Variants in SUGCT observed in about 807,000 individuals in gnomAD.
SUGCT encodes succinyl-CoA:glutarate CoA-transferase.
SUGCT carries 41 observed loss-of-function variants against 55.0 expected under a neutral mutation model. The observed-to-expected ratio is 0.74, with a 90% CI of 0.58 to 0.97. The LOEUF (loss-of-function observed/expected upper bound fraction) is 0.97. Among genes scored for constraint, SUGCT ranks in the 50% least tolerant of loss-of-function variants. The pLI is 0.00. For synonymous variants in SUGCT, 187 were observed against 200.4 expected, an observed-to-expected ratio of 0.93 and a Z score of 0.56; for missense variants, 568 against 547.8, an observed-to-expected ratio of 1.04 and a Z score of -0.37.
rs147377231 is a variant in SUGCT, at chr7:40,674,025, T to C, written c.1090-75409T>C. ...AAACTAGCCACAGACTTTACACTTT[T>C]AAAAGCTCTGTTAAAATGAGGATTG... is the stretch of plus-strand genomic sequence containing the variant. On this transcript the variant is annotated intron_variant, in intron 12 of 13. Coordinates refer to ENST00000335693, the MANE Select transcript of SUGCT (RefSeq NM_001193313.2). 4.6e-5 allele frequency among the ~76,000 whole-genome samples: 7 copies of C among 152,292 alleles called. No homozygotes were observed. In the East Asian group the frequency reaches 7.7e-4, roughly 17 times the overall value.
At chr7:40,998,332 A>G in the SUGCT span, among the ~76,000 whole-genome samples, 1 of 151,936 alleles carries the variant, frequency 6.6e-6, no homozygotes, top group African/African-American at 2.4e-5. Context: ...AGATTGCACC[A>G]CTGCACTCCA....
At chr7:40,450,087 C>A (rs1159806427) in intron 10 of SUGCT, among the ~76,000 whole-genome samples, 1 of 152,064 alleles carries the variant, frequency 6.6e-6, no homozygotes, top group Non-Finnish European at 1.5e-5. Context: ...TGCCACCATG[C>A]CTGGCTATTT....
chr7:40,434,842 A>G (rs959758523), intron 9 of SUGCT, among the ~76,000 whole-genome samples: 1 of 152,142 alleles, frequency 6.6e-6, no homozygotes. Context: ...GTCTATACAT[A>G]TATCAGATAG....
chr7:40,895,336 G>T, the SUGCT span, among the ~76,000 whole-genome samples: 3 of 151,724 alleles, frequency 2.0e-5, no homozygotes, highest in Admixed American at 1.3e-4. Context: ...AGGAGGGAGA[G>T]GATCAGAAAA....
chr7:40,481,199 A>G (rs1055157209), intron 11 of SUGCT, among the ~76,000 whole-genome samples: 3 of 152,004 alleles, frequency 2.0e-5, no homozygotes, highest in Non-Finnish European at 4.4e-5. Flanking sequence ...TTAACTAGGC[A>G]TGGTGGCGTG....
chr7:40,413,225 C>T (rs1786787864), intron 9 of SUGCT, among the ~76,000 whole-genome samples: 1 of 152,136 alleles, frequency 6.6e-6, no homozygotes, highest in South Asian at 2.1e-4. Flanking sequence ...GATTTCCTTT[C>T]TGGTTGGTTT....
intron 12 of SUGCT, among the ~76,000 whole-genome samples, chr7:40,664,100 G>A (rs1801478875): frequency 6.6e-6 from 1 of 152,230 alleles, no homozygotes; most frequent in African/African-American, 2.4e-5. Flanking sequence ...TTCTCTTAAC[G>A]TCCTCAGAAG....
chr7:40,722,975 T>C (rs1310948806), intron 12 of SUGCT, among the ~76,000 whole-genome samples: 2 of 152,200 alleles, frequency 1.3e-5, no homozygotes, highest in Non-Finnish European at 2.9e-5. Flanking sequence ...GTAAGTAATT[T>C]GCTTCCGAGA....
intron 11 of SUGCT, among the ~76,000 whole-genome samples, chr7:40,481,354 A>T (rs2151488794): frequency 6.6e-6 from 1 of 150,694 alleles, no homozygotes; most frequent in South Asian, 2.1e-4. Flanking sequence ...AGATATATAT[A>T]TTATATATAT....
chr7:40,515,585 G>A (rs1261603699), intron 12 of SUGCT, among the ~76,000 whole-genome samples: 2 of 152,130 alleles, frequency 1.3e-5, no homozygotes, highest in African/African-American at 4.8e-5. Context: ...ACTTTTATGA[G>A]TGTCTTCTTT....
intron 8 of SUGCT, among the ~76,000 whole-genome samples, chr7:40,283,364 G>T (rs1466230323): frequency 6.6e-6 from 1 of 151,992 alleles, no homozygotes; most frequent in Non-Finnish European, 1.5e-5. Context: ...AAGTAGCCAG[G>T]ATTACAGCTG....
intron 13 of SUGCT, among the ~76,000 whole-genome samples, chr7:40,759,990 C>T (rs953262445): frequency 1.2e-4 from 19 of 152,094 alleles, no homozygotes; most frequent in African/African-American, 3.9e-4. Context: ...CTACATTTCC[C>T]GCTAGTTGTA....
chr7:40,193,211 TC>T (rs936742108), intron 5 of SUGCT, among the ~76,000 whole-genome samples: 1 of 149,334 alleles, frequency 6.7e-6, no homozygotes, highest in African/African-American at 2.5e-5. Context: ...AAGTGATCTA[TC>T]CCCCCGACTC....
At chr7:40,194,881 T>A (rs887580224) in intron 5 of SUGCT, 59 bp from the exon 6 acceptor site, 1 of 1,548,328 alleles carries the variant, frequency 6.5e-7, no homozygotes, top group African/African-American at 1.4e-5. Flanking sequence ...AAAGTTAAAA[T>A]TCTATCATGT....
intron 1 of SUGCT, among the ~76,000 whole-genome samples, chr7:40,161,975 C>T (rs1784176520): frequency 6.6e-6 from 1 of 152,062 alleles, no homozygotes; most frequent in Non-Finnish European, 1.5e-5. Flanking sequence ...TGGCTCATTG[C>T]AACCTCCGCC....
At chr7:40,383,197 CT>C (rs1784956516) in intron 9 of SUGCT, among the ~76,000 whole-genome samples, 1 of 152,120 alleles carries the variant, frequency 6.6e-6, no homozygotes, top group East Asian at 1.9e-4. Context: ...TGTGTTTCCT[CT>C]GTTTGAAATT....
At chr7:41,011,022 A>G in the SUGCT span, among the ~76,000 whole-genome samples, 6 of 152,232 alleles carry the variant, frequency 3.9e-5, no homozygotes, top group African/African-American at 1.4e-4. Flanking sequence ...GAAAATAGGC[A>G]TATCTTTCCC....
chr7:40,867,535 G>C, the SUGCT span, among the ~76,000 whole-genome samples: 3 of 152,046 alleles, frequency 2.0e-5, no homozygotes, highest in Admixed American at 2.0e-4. Flanking sequence ...ACTCCAGTAG[G>C]AGTTTTAAAA....
chr7:40,179,312 T>A (rs1785070391), intron 1 of SUGCT, among the ~76,000 whole-genome samples: 1 of 152,014 alleles, frequency 6.6e-6, no homozygotes, highest in African/African-American at 2.4e-5. Context: ...TTTTTTTTTT[T>A]AAGACAGTTT....
Sources: gnomAD v4.1 joint callset for allele counts (sites outside exome capture counted in the v4.1 genomes callset) on GRCh38, gnomAD v4.1.1 for gene constraint, MANE v1.5 for transcripts, NCBI Gene and HGNC (gene_info 2026-07-23, HGNC 2026-07-21) for gene names.